Variants in DNAH5 observed in about 807,000 individuals in gnomAD.
DNAH5 encodes dynein axonemal heavy chain 5, also known as axonemal beta dynein heavy chain 5.
DNAH5 carries 372 observed loss-of-function variants against 518.2 expected under a neutral mutation model. The observed-to-expected ratio is 0.72, with a 90% CI of 0.66 to 0.78. The LOEUF is 0.78. Among genes scored for constraint, DNAH5 ranks in the 30% least tolerant of loss-of-function variants. The pLI is 0.00. For synonymous variants in DNAH5, 2,039 were observed against 2,025.9 expected, an observed-to-expected ratio of 1.01 and a Z score of -0.17; for missense variants, 5,523 against 5,687.0, an observed-to-expected ratio of 0.97 and a Z score of 0.93.
At chr5:13,922,859 C>G (rs1404008269) in intron 4 of DNAH5, among the ~76,000 whole-genome samples, 4 of 151,768 alleles carry the variant, frequency 2.6e-5, no homozygotes, top group African/African-American at 7.3e-5. Context: ...TTTATTTGCT[C>G]CAAGAAGATA....
At chr5:13,802,689 C>T (rs148030170) in intron 47 of DNAH5, among the ~76,000 whole-genome samples, 1 of 152,274 alleles carries the variant, frequency 6.6e-6, no homozygotes, top group Non-Finnish European at 1.5e-5. Context: ...GGTGCATTGC[C>T]TAGTTCTTAG....
rs778487272 is a variant in DNAH5, at chr5:13,911,388, G to A, written c.1642C>T (p.His548Tyr). Reference sequence around the variant, plus strand: ...AGGAATTTTATTATACAACCTACATGAAGGTCATTAGTCTGCTTGCAAAAC... The same window carrying A: ...AGGAATTTTATTATACAACCTACATAAAGGTCATTAGTCTGCTTGCAAAAC... The part of the protein sequence containing the change: ...EEFCKQTNDL[H>Y]NELRKFMDVT... Residue 548 changes from histidine to tyrosine, a missense_variant and splice_region_variant, in exon 12 of 79, where the codon CAT (histidine) becomes TAT (tyrosine). Physicochemically the swap from His to Tyr is moderately conservative, Grantham distance 83. Coordinates refer to ENST00000265104, the MANE Select transcript of DNAH5 (RefSeq NM_001369.3). The A allele has an allele frequency of 1.5e-5, 24 of 1,611,168 alleles. No individual in the cohort carries two copies. The highest frequency in any genetic ancestry group is 2.0e-5 in the Non-Finnish European group (24 of 1,177,576).
chr5:13,923,134 T>C (rs1466110502), intron 4 of DNAH5, 146 bp downstream of exon 4: 8 of 1,048,232 alleles, frequency 7.6e-6, no homozygotes, highest in Non-Finnish European at 1.2e-5. Flanking sequence ...TCTTAATTTC[T>C]TGCTTTAAAT....
Position 13,727,493 on chromosome 5 carries a change from T to C in DNAH5, c.12033+14A>G, listed in dbSNP as rs375989215. ...AATATTCTCTCATTTTTCTCTTTAA[T>C]ATGGACTTTTTACCTGGGCGATGGT... On this transcript the variant is annotated intron_variant, in intron 70 of 78. Coordinates refer to ENST00000265104, the MANE Select transcript of DNAH5 (RefSeq NM_001369.3). 69 of 1,608,442 alleles carry C rather than the reference T, an allele frequency of 4.3e-5. No individual in the cohort carries two copies. Among genetic ancestry groups the C allele is most frequent in the South Asian group, 3.8e-4 (34 of 90,168 alleles).
At position 13,894,664 on chromosome 5, in the gene DNAH5, G is replaced by A. The variant is rs766649400; in HGVS notation, c.2417C>T (p.Thr806Ile). Residue 806 changes from threonine to isoleucine, a missense_variant, in exon 16 of 79, where the codon ACT (threonine) becomes ATT (isoleucine). Thr to Ile is a moderately conservative substitution (Grantham distance 89). Around this residue, in one of 3 missense-constraint regions of DNAH5, gnomAD observed 5,121 missense variants for 5,223.3 expected, o/e 0.98. Transcript: ENST00000265104. ...SLNIEAYLEN[T>I]FAKIKDLELL... ...GGCAGACTTACTGATCTTTGCAAAAGTGTTTTCTAAATAAGCCTCAATATT... is the reference window on the plus strand; with the variant it reads ...GGCAGACTTACTGATCTTTGCAAAAATGTTTTCTAAATAAGCCTCAATATT... 1.5e-5 allele frequency: 25 copies of A among 1,613,864 alleles called. No homozygotes were observed. Among genetic ancestry groups the A allele is most frequent in the South Asian group, 4.4e-5 (4 of 91,090 alleles).
At chr5:13,833,021 A>G (rs1763874545) in intron 35 of DNAH5, among the ~76,000 whole-genome samples, 2 of 152,130 alleles carry the variant, frequency 1.3e-5, no homozygotes, top group South Asian at 4.1e-4. Flanking sequence ...TGGTACGTGC[A>G]TCAGCAGAGT....
chr5:13,983,755 G>A (rs781282221), intron 1 of DNAH5, among the ~76,000 whole-genome samples: 1 of 152,290 alleles, frequency 6.6e-6, no homozygotes. Context: ...GAAGAAAAGA[G>A]AGTCCTCAAA....
intron 1 of DNAH5, among the ~76,000 whole-genome samples, chr5:13,970,231 G>A (rs567726005): frequency 6.6e-6 from 1 of 152,260 alleles, no homozygotes; most frequent in East Asian, 1.9e-4. Context: ...TTGGTTGGTG[G>A]ATTCTTATGC....
chr5:13,830,946 T>A (rs1763596956), intron 35 of DNAH5, among the ~76,000 whole-genome samples, 171 bp from the exon 36 acceptor site: 1 of 152,174 alleles, frequency 6.6e-6, no homozygotes, highest in Non-Finnish European at 1.5e-5. Flanking sequence ...AATGTTAACA[T>A]ATGTTGAGGA....
intron 75 of DNAH5, among the ~76,000 whole-genome samples, chr5:13,709,416 T>G (rs943237287): frequency 5.3e-5 from 8 of 152,120 alleles, no homozygotes; most frequent in Admixed American, 2.0e-4. Context: ...AAAAAATTTG[T>G]GAGTGCATAT....
chr5:13,717,057 C>A (rs1478221262), intron 73 of DNAH5, among the ~76,000 whole-genome samples: 2 of 152,152 alleles, frequency 1.3e-5, no homozygotes, highest in Non-Finnish European at 2.9e-5. Flanking sequence ...CCCACCCACA[C>A]CCCCTGAGAA....
At chr5:13,823,873 A>T (rs1762550718) in intron 39 of DNAH5, among the ~76,000 whole-genome samples, 2 of 152,220 alleles carry the variant, frequency 1.3e-5, no homozygotes, top group Non-Finnish European at 2.9e-5. Context: ...TTTACACATT[A>T]TTTCCTACCA....
intron 75 of DNAH5, among the ~76,000 whole-genome samples, chr5:13,709,411 A>T (rs7703836): frequency 0.45 from 68,843 of 151,836 alleles, 16,524 homozygotes; most frequent in African/African-American, 0.62. Context: ...AAAAAAAAAA[A>T]TTTGTGAGTG....
intron 47 of DNAH5, among the ~76,000 whole-genome samples, chr5:13,798,007 G>A (rs896346831): frequency 2.1e-5 from 3 of 140,538 alleles, no homozygotes; most frequent in Non-Finnish European, 3.0e-5. Context: ...TGAACAATGA[G>A]ATCACTTGCA....
At chr5:13,965,389 A>G (rs1356027079) in intron 1 of DNAH5, among the ~76,000 whole-genome samples, 2 of 152,210 alleles carry the variant, frequency 1.3e-5, no homozygotes, top group African/African-American at 2.4e-5. Context: ...TCATAATGCA[A>G]GTTTTTCACA....
intron 21 of DNAH5, among the ~76,000 whole-genome samples, chr5:13,878,145 C>T (rs1475706144): frequency 1.3e-5 from 2 of 152,108 alleles, no homozygotes; most frequent in Non-Finnish European, 2.9e-5. Context: ...AGAGAAGGGG[C>T]TTAAAAAACA....
At chr5:13,797,821 T>C (rs1300499964) in intron 47 of DNAH5, among the ~76,000 whole-genome samples, 4 of 152,082 alleles carry the variant, frequency 2.6e-5, no homozygotes, top group Non-Finnish European at 5.9e-5. Context: ...CCATCAATGA[T>C]AGACTGGATT....
rs2151823432 is a variant in DNAH5, at chr5:13,824,181, T to G, written c.6579+18A>C. Reference sequence around the variant, plus strand: ...CTGATATCCAAGTAGGTGGAACACTTCCATCTGTGAGTCTTACCAGTTTAG... The same window carrying G: ...CTGATATCCAAGTAGGTGGAACACTGCCATCTGTGAGTCTTACCAGTTTAG... On this transcript the variant is annotated intron_variant, in intron 39 of 78. Coordinates refer to ENST00000265104, the MANE Select transcript of DNAH5 (RefSeq NM_001369.3). 1 of 1,613,450 alleles carries G rather than the reference T, an allele frequency of 6.2e-7. No homozygotes were observed. Among genetic ancestry groups the G allele is most frequent in the Admixed American group, 1.7e-5 (1 of 60,026 alleles).
chr5:13,901,672 T>C (rs571232154), intron 13 of DNAH5, 99 bp from the exon 14 acceptor site: 1 of 740,468 alleles, frequency 1.4e-6, no homozygotes, highest in South Asian at 2.4e-5. Context: ...ATATTTATTT[T>C]TTAAAATGCT....
Sources: allele counts gnomAD v4.1 joint callset (sites outside exome capture counted in the v4.1 genomes callset), GRCh38; gene constraint gnomAD v4.1.1; regional missense constraint gnomAD v4.1.1; transcripts MANE v1.5; gene names NCBI Gene and HGNC (gene_info 2026-07-23, HGNC 2026-07-21).